SLC2A12: variants seen among roughly 807,000 people sequenced by gnomAD.
The protein encoded by SLC2A12 is solute carrier family 2, facilitated glucose transporter member 12.
In SLC2A12, 23 loss-of-function variants were observed where a neutral mutation model predicts 41.8. The observed-to-expected ratio is 0.55, with a 90% CI of 0.40 to 0.78. SLC2A12 has a LOEUF of 0.78. Among genes scored for constraint, SLC2A12 ranks in the 30% least tolerant of loss-of-function variants. The probability of loss-of-function intolerance (pLI) is 0.00; values close to 1 mark genes in which losing one functional copy is unlikely to be tolerated. For missense variants in SLC2A12, 654 were observed against 745.6 expected, an observed-to-expected ratio of 0.88 and a Z score of 1.43; for synonymous variants, 295 against 285.9, an observed-to-expected ratio of 1.03 and a Z score of -0.32.
At chr6:134,017,725 G>C (rs900003613) in intron 2 of SLC2A12, among the ~76,000 whole-genome samples, 1 of 152,030 alleles carries the variant, frequency 6.6e-6, no homozygotes, top group African/African-American at 2.4e-5. Flanking sequence ...GTGGTGGCGG[G>C]CGCCTGTAGT....
chr6:134,017,455 T>C (rs943871327), intron 2 of SLC2A12, among the ~76,000 whole-genome samples: 17 of 152,142 alleles, frequency 1.1e-4, no homozygotes, highest in South Asian at 2.1e-4. Context: ...GAGCCCCAGT[T>C]GTAGGCCAGG....
At chr6:134,002,154 T>C in intron 3 of SLC2A12, 25 bp from the exon 4 acceptor site, 1 of 1,588,040 alleles carries the variant, frequency 6.3e-7, no homozygotes, top group Non-Finnish European at 8.5e-7. Flanking sequence ...AGAAATTGAT[T>C]AGAAATGTGT....
At chr6:134,003,448 C>A (rs1776776512) in intron 3 of SLC2A12, among the ~76,000 whole-genome samples, 2 of 152,190 alleles carry the variant, frequency 1.3e-5, no homozygotes, top group South Asian at 2.1e-4. Flanking sequence ...GGGAGCTCAC[C>A]ATTTCACGAA....
intron 4 of SLC2A12, among the ~76,000 whole-genome samples, chr6:133,997,058 G>T (rs1156313381): frequency 7.6e-6 from 1 of 131,740 alleles, no homozygotes; most frequent in Non-Finnish European, 1.5e-5. Flanking sequence ...TGGCTAACAC[G>T]GTGAAACCCC....
chr6:134,023,346 G>A (rs1431032048), intron 2 of SLC2A12, among the ~76,000 whole-genome samples: 1 of 152,182 alleles, frequency 6.6e-6, no homozygotes, highest in Non-Finnish European at 1.5e-5. Flanking sequence ...ATGATTGACT[G>A]AACTGAGAAA....
chr6:133,994,839 G>A (rs1776667362), intron 4 of SLC2A12, among the ~76,000 whole-genome samples: 1 of 152,168 alleles, frequency 6.6e-6, no homozygotes, highest in African/African-American at 2.4e-5. Flanking sequence ...GGAAGCAGAG[G>A]AATAGAGACC....
chr6:133,993,659 A>G (rs1776650560), intron 4 of SLC2A12, among the ~76,000 whole-genome samples: 1 of 152,244 alleles, frequency 6.6e-6, no homozygotes, highest in South Asian at 2.1e-4. Context: ...TTTGGTTAAA[A>G]CTGAAGGATT....
Position 134,043,013 on chromosome 6 carries a change from C to T in SLC2A12, c.103+9365G>A, listed in dbSNP as rs907835998. On this transcript the variant is annotated intron_variant, in intron 1 of 4. Transcript: ENST00000275230. The stretch of plus-strand genomic sequence containing the variant: ...AAACAAAACAAAAACCAAACACACA[C>T]ACACACCCCAAAAAAGAAACTCCTT... Among the ~76,000 whole-genome samples the T allele has an allele frequency of 7.9e-5, 12 of 151,766 alleles. 1 individual carries two copies. The highest frequency in any genetic ancestry group is 1.2e-4 in the Non-Finnish European group (8 of 67,920).
intron 1 of SLC2A12, among the ~76,000 whole-genome samples, chr6:134,031,426 C>CAA (rs34478769): frequency 7.9e-5 from 12 of 151,606 alleles, no homozygotes; most frequent in South Asian, 2.1e-4. Context: ...AAACAACAAA[C>CAA]AAAAAAAACA....
chr6:134,026,393 A>G (rs943743642), intron 2 of SLC2A12, among the ~76,000 whole-genome samples: 2 of 152,226 alleles, frequency 1.3e-5, no homozygotes, highest in African/African-American at 4.8e-5. Context: ...TCCTTGGTAC[A>G]AGACTGCACC....
rs759955290 is a variant in SLC2A12 at position 134,029,006 on chromosome 6, G to T, written c.819C>A (p.Asp273Glu). ...CTATCATTATTCGGGTCCGCATGTTGTCTTTTGAACGAAACAGATCCCAAA... is the reference window on the plus strand; with the variant it reads ...CTATCATTATTCGGGTCCGCATGTTTTCTTTTGAACGAAACAGATCCCAAA... ...YSFWDLFRSK[D>E]NMRTRIMIGL... Residue 273 changes from aspartate to glutamate, a missense_variant, in exon 2 of 5, where the codon GAC becomes GAA. Coordinates refer to ENST00000275230, the MANE Select transcript of SLC2A12 (RefSeq NM_145176.3). 1 of 1,614,206 alleles carries T rather than the reference G, an allele frequency of 6.2e-7. No individual in the cohort carries two copies. The highest frequency in any genetic ancestry group is 2.2e-5 in the East Asian group (1 of 44,890).
intron 3 of SLC2A12, among the ~76,000 whole-genome samples, chr6:134,004,114 A>G (rs1384619430): frequency 6.6e-6 from 1 of 152,184 alleles, no homozygotes. Context: ...TAGCTCCTCC[A>G]GTGTATTAGC....
chr6:134,018,959 G>A lies in SLC2A12; in HGVS notation c.1444+9422C>T, dbSNP rs75836481. ...TTCTGGCTGGAATTTCTGCCCATTTGAGTCCTCAGAGTTGGTAGAAGAGAT... is the reference window on the plus strand; with the variant it reads ...TTCTGGCTGGAATTTCTGCCCATTTAAGTCCTCAGAGTTGGTAGAAGAGAT... On this transcript the variant is annotated intron_variant, in intron 2 of 4. Transcript: ENST00000275230. Among the ~76,000 whole-genome samples the A allele has an allele frequency of 6.6e-4, 101 of 152,268 alleles. 2 individuals are homozygous for A. The East Asian group carries it at 0.015, about 23-fold the overall frequency.
chr6:134,003,808 T>G (rs1344570493), intron 3 of SLC2A12, among the ~76,000 whole-genome samples: 1 of 152,228 alleles, frequency 6.6e-6, no homozygotes, highest in Non-Finnish European at 1.5e-5. Context: ...TACAATTGTG[T>G]CATGATCACT....
intron 4 of SLC2A12, 46 bp from the exon 5 acceptor site, chr6:133,991,354 ATG>A (rs1324644277): frequency 1.3e-6 from 2 of 1,587,720 alleles, no homozygotes; most frequent in Admixed American, 1.8e-5. Flanking sequence ...CTTAGTTTAC[ATG>A]AAAAAAATGT....
chr6:134,038,700 CTTTTTTTTTTTTTTTT>C (rs200794350), intron 1 of SLC2A12, among the ~76,000 whole-genome samples: 1 of 82,128 alleles, frequency 1.2e-5, no homozygotes, highest in African/African-American at 6.4e-5. Context: ...CCTTTCTTTC[CTTTTTTTTTTTTTTTT>C]TTTTTTTTTT....
At chr6:134,023,497 G>A (rs773181869) in intron 2 of SLC2A12, among the ~76,000 whole-genome samples, 1 of 152,156 alleles carries the variant, frequency 6.6e-6, no homozygotes, top group Non-Finnish European at 1.5e-5. Context: ...GAAGCATGGA[G>A]GGGGAAAGGT....
intron 1 of SLC2A12, among the ~76,000 whole-genome samples, chr6:134,037,025 C>T (rs958602790): frequency 1.3e-5 from 2 of 152,112 alleles, no homozygotes; most frequent in Non-Finnish European, 2.9e-5. Context: ...AGCCCATCTA[C>T]ACCACTAGCT....
At chr6:134,011,932 C>T (rs1206415222) in intron 2 of SLC2A12, among the ~76,000 whole-genome samples, 2 of 151,676 alleles carry the variant, frequency 1.3e-5, no homozygotes, top group African/African-American at 4.8e-5. Flanking sequence ...GCCCCAGCTA[C>T]TTGGGAAGCT....
Sources: gnomAD v4.1 joint callset for allele counts (sites outside exome capture counted in the v4.1 genomes callset) on GRCh38, gnomAD v4.1.1 for gene constraint, MANE v1.5 for transcripts, NCBI Gene and HGNC (gene_info 2026-07-23, HGNC 2026-07-21) for gene names.